RNH1: variants seen among roughly 807,000 people sequenced by gnomAD.
The protein encoded by RNH1 is ribonuclease inhibitor.
A neutral mutation model predicts 46.1 loss-of-function variants in RNH1; 38 were observed. That is an observed-to-expected ratio of 0.82 (90% CI 0.64 to 1.08). RNH1 has a LOEUF of 1.08. RNH1 is among the 50% of genes least tolerant of loss of function. The pLI, the probability that RNH1 is intolerant of heterozygous loss-of-function variation, is 0.00. For missense variants in RNH1, 577 were observed against 590.7 expected (o/e 0.98, Z 0.24); for synonymous variants, 319 against 279.1 (o/e 1.14, Z -1.43).
chr11:497,034 A>C (rs1849141815), intron 9 of RNH1, among the ~76,000 whole-genome samples: 1 of 152,288 alleles, frequency 6.6e-6, no homozygotes, highest in Middle Eastern at 3.4e-3. Context: ...GTACATGAAC[A>C]TGCACCCTCA....
Position 504,977 on chromosome 11 carries a change from C to A in RNH1, c.-241G>T. The A allele has an allele frequency of 6.6e-6, 1 of 152,316 alleles. No homozygotes were observed. The allele number at this position is 152,316 out of a possible 1,614,324, so 9.4% of individuals were successfully genotyped here. On this transcript the variant is annotated 5_prime_UTR_variant, in exon 2 of 11. Transcript: ENST00000354420. Reference sequence around the variant, plus strand: ...CTTTGGACACACCCTCCGTTTCTGTCAGTCAAGAGTTCTTCATGCCTGAGC... The same window carrying A: ...CTTTGGACACACCCTCCGTTTCTGTAAGTCAAGAGTTCTTCATGCCTGAGC...
At chr11:500,316 CG>C in intron 4 of RNH1, 167 bp downstream of exon 4, 1 of 839,816 alleles carries the variant, frequency 1.2e-6, no homozygotes, top group Non-Finnish European at 1.8e-6. Flanking sequence ...CTGTCCCCCC[CG>C]CTGTGAGACC....
intron 9 of RNH1, among the ~76,000 whole-genome samples, chr11:497,497 A>G (rs1849247258): frequency 7.0e-6 from 1 of 143,638 alleles, no homozygotes; most frequent in Non-Finnish European, 1.5e-5. Context: ...ACTCACACGG[A>G]CACTCGTGCT....
chr11:496,904 C>T (rs943021850), intron 9 of RNH1, among the ~76,000 whole-genome samples: 2 of 152,272 alleles, frequency 1.3e-5, no homozygotes, highest in Non-Finnish European at 2.9e-5. Context: ...AGATGGACCA[C>T]AGGGTGGCCA....
chr11:498,461 G>C lies in RNH1; in HGVS notation c.952C>G (p.Leu318Val). The C allele has an allele frequency of 6.2e-7, 1 of 1,612,438 alleles. No homozygotes were observed. The highest frequency in any genetic ancestry group is 8.5e-7 in the Non-Finnish European group (1 of 1,179,970). ...TGCCCCGACAGCCACACTCACCACA[G>C]CGACTCCAGCTGGCAGCCAGGTTCC... is the stretch of plus-strand genomic sequence containing the variant. ...LLEPGCQLES[L>V]WVKSCSFTAA... The change falls in exon 8 of 11, where the codon CTG (leucine) becomes GTG (valine). Residue 318 changes from leucine (L) to valine (V), a missense_variant. Physicochemically the swap from Leu to Val is conservative, Grantham distance 32. Transcript: ENST00000354420.
intron 1 of RNH1, chr11:505,532 C>T (rs990901605): frequency 9.9e-5 from 15 of 152,172 alleles, no homozygotes; most frequent in African/African-American, 3.6e-4. Flanking sequence ...CTTGCCAACA[C>T]CTTGATTTTA....
In RNH1 at chr11:494,771, C is replaced by T. The variant is rs971107251; in HGVS notation, c.1306G>A (p.Asp436Asn). The T allele has an allele frequency of 2.5e-6, 4 of 1,613,948 alleles. No homozygotes were observed. The East Asian group carries it at 6.7e-5, about 27-fold the overall frequency. Residue 436 changes from aspartate to asparagine, a missense_variant, in exon 11 of 11, where the codon GAC (aspartate) becomes AAC (asparagine). By Grantham distance (23) the Asp-to-Asn change is conservative. Transcript: ENST00000354420. ...GCLLEQLVLY[D>N]IYWSEEMEDR... ...TCCATCTCCTCAGACCAGTAAATGTCGTACAGGCTGCACACAGGCCAGAAG... is the reference window on the plus strand; with the variant it reads ...TCCATCTCCTCAGACCAGTAAATGTTGTACAGGCTGCACACAGGCCAGAAG...
intron 8 of RNH1, 96 bp downstream of exon 8, chr11:498,361 G>T: frequency 6.7e-7 from 1 of 1,497,412 alleles, no homozygotes; most frequent in Non-Finnish European, 9.0e-7. Context: ...GCTGAGCCCA[G>T]CAGCTTCCCT....
intron 3 of RNH1, 52 bp from the exon 4 acceptor site, chr11:500,706 G>A: frequency 6.3e-7 from 1 of 1,588,972 alleles, no homozygotes; most frequent in African/African-American, 1.3e-5. Context: ...ACTGGCCTCA[G>A]CCTCCACCAC....
In RNH1 at chr11:501,467, C is replaced by T. The variant is rs17155883; in HGVS notation, c.101+595G>A. 6.9e-3 allele frequency: 1,097 copies of T among 158,496 alleles called. 7 individuals are homozygous for T. Among genetic ancestry groups the T allele is most frequent in the Non-Finnish European group, 0.012 (824 of 71,504 alleles). The allele number at this position is 158,496 out of a possible 1,614,324, so 9.8% of individuals were successfully genotyped here. ...AGTGAGGAAGACGAAAAGGGCAGGG[C>T]GGAAAAGCAGACCCTGCCTGGAGGT... On this transcript the variant is annotated intron_variant, in intron 3 of 10. Transcript: ENST00000354420. This position sits in a 1 kb window ranked among gnomAD's most constrained non-coding sequence, Gnocchi z 4.1.
At position 501,762 on chromosome 11, in the gene RNH1, C is replaced by T. The variant is rs1200138993; in HGVS notation, c.101+300G>A. ...GAGGGGACCCAAGCTGTGTCCTGCC[C>T]TCGTGTCTCCAAGGGAGGGAGAGGA... On this transcript the variant is annotated intron_variant, in intron 3 of 10. Transcript: ENST00000354420. The surrounding 1 kb of genome is among the most constrained non-coding windows in gnomAD (Gnocchi z 4.1). 6 of 438,226 alleles carry T rather than the reference C, an allele frequency of 1.4e-5. No individual in the cohort carries two copies. Among genetic ancestry groups the T allele is most frequent in the Middle Eastern group, 6.2e-4 (1 of 1,622 alleles). 27.1% of individuals were successfully genotyped at this position (438,226 alleles called of 1,614,324 possible).
chr11:505,473 A>G (rs1393143674), intron 1 of RNH1: 1 of 152,188 alleles, frequency 6.6e-6, no homozygotes, highest in Non-Finnish European at 1.5e-5. Flanking sequence ...TAGAAGTTGG[A>G]AGAGGAAAAG....
At chr11:499,345 C>T (rs1023647924) in intron 5 of RNH1, 160 bp from the exon 6 acceptor site, 38 of 757,798 alleles carry the variant, frequency 5.0e-5, no homozygotes, top group Non-Finnish European at 7.3e-5. Flanking sequence ...TCCAGAGGCC[C>T]GGGCCTCTGT....
Position 498,576 on chromosome 11 carries a change from G to C in RNH1, c.837C>G (p.Val279=). ...CCTTCAGGCTCTCCTTGGCCCTGAG[G>C]ACACGGCACAGATCCCCGCAGCCCT... is the stretch of plus-strand genomic sequence containing the variant. ...TAKGCGDLCR[V]LRAKESLKEL... is the part of the protein sequence containing the mutation. Residue 279 remains valine, a synonymous_variant, in exon 8 of 11, where the codon GTC becomes GTG. Transcript: ENST00000354420. 6.2e-7 allele frequency: 1 copy of C among 1,613,016 alleles called. No individual in the cohort carries two copies. Among genetic ancestry groups the C allele is most frequent in the Non-Finnish European group, 8.5e-7 (1 of 1,180,020 alleles).
chr11:498,398 C>CCGAG, intron 8 of RNH1, 59 bp downstream of exon 8: 1 of 1,589,534 alleles, frequency 6.3e-7, no homozygotes, highest in East Asian at 2.2e-5. Flanking sequence ...CCCCTGGTCT[C>CCGAG]CTCGGTCACC....
chr11:496,514 A>G (rs1407252131), intron 9 of RNH1, among the ~76,000 whole-genome samples: 2 of 152,200 alleles, frequency 1.3e-5, no homozygotes, highest in East Asian at 3.8e-4. Flanking sequence ...CTAAAAGTAC[A>G]AAAAATTAGC....
intron 2 of RNH1, among the ~76,000 whole-genome samples, chr11:503,897 CACT>C (rs1192701073): frequency 6.6e-6 from 1 of 152,190 alleles, no homozygotes; most frequent in African/African-American, 2.4e-5. Flanking sequence ...TCACGGATCC[CACT>C]GAGGACCCCA....
chr11:502,058 G>A lies in RNH1; in HGVS notation c.101+4C>T, dbSNP rs373886719. The A allele has an allele frequency of 1.9e-5, 31 of 1,609,004 alleles. No individual in the cohort carries two copies. Among genetic ancestry groups the A allele is most frequent in the African/African-American group, 1.2e-4 (9 of 74,842 alleles). On this transcript the variant is annotated splice_donor_region_variant and intron_variant, in intron 3 of 10. Coordinates refer to ENST00000354420, the MANE Select transcript of RNH1 (RefSeq NM_203387.3). This position sits in a 1 kb window ranked among gnomAD's most constrained non-coding sequence, Gnocchi z 5.8. ...CCCCAAGGCCACCCCGAGAGCAAGC[G>A]TACCTGACCACTTGGCACTGCTGGA...
intron 4 of RNH1, 77 bp downstream of exon 4, chr11:500,407 T>G: frequency 6.6e-7 from 1 of 1,521,990 alleles, no homozygotes; most frequent in Admixed American, 1.8e-5. Context: ...CACGCGCCCC[T>G]GGCGGCTCTG....
Sources: gnomAD v4.1 joint callset for allele counts (sites outside exome capture counted in the v4.1 genomes callset) on GRCh38, gnomAD v4.1.1 for gene constraint, Gnocchi (gnomAD v3.1) non-coding constraint, MANE v1.5 for transcripts, NCBI Gene and HGNC (gene_info 2026-07-23, HGNC 2026-07-21) for gene names.